The following PLEKHA1 variants were observed in gnomAD, a reference collection of about 807,000 sequenced individuals.
The protein encoded by PLEKHA1 is pleckstrin homology domain containing A1.
A neutral mutation model predicts 52.0 loss-of-function variants in PLEKHA1; 34 were observed. The observed-to-expected ratio is 0.65, with a 90% CI of 0.50 to 0.87. The LOEUF (loss-of-function observed/expected upper bound fraction) is 0.87, where lower values mean the gene tolerates loss of function less well. Ranked by LOEUF, PLEKHA1 falls within the 40% of genes least tolerant of loss-of-function variation. PLEKHA1 has a pLI of 0.00. For synonymous variants in PLEKHA1, 163 were observed against 170.7 expected, an observed-to-expected ratio of 0.95 and a Z score of 0.35; for missense variants, 497 against 504.2, an observed-to-expected ratio of 0.99 and a Z score of 0.14.
At chr10:122,421,170 T>A (rs1007780067) in intron 8 of PLEKHA1, 1 of 151,932 alleles carries the variant, frequency 6.6e-6, no homozygotes, top group East Asian at 1.9e-4. Context: ...ATGATTAAAG[T>A]GAATGTCATT....
chr10:122,430,199 G>A lies in PLEKHA1; in HGVS notation c.*261G>A, dbSNP rs2097404760. ...AAGCATTGTGTGTTCTCATTCGGGT[G>A]GTAACAATGTATGTGTAATATTTTT... On this transcript the variant is annotated 3_prime_UTR_variant, in exon 12 of 12. Transcript: ENST00000368990. 2.9e-6 allele frequency: 1 copy of A among 340,034 alleles called. No individual in the cohort carries two copies. Among genetic ancestry groups the A allele is most frequent in the Non-Finnish European group, 5.3e-6 (1 of 189,976 alleles). The allele number at this position is 340,034 out of a possible 1,614,324, so 21.1% of individuals were successfully genotyped here.
At chr10:122,427,211 T>C (rs192666636) in intron 11 of PLEKHA1, among the ~76,000 whole-genome samples, 180 bp downstream of exon 11, 268 of 152,386 alleles carry the variant, frequency 1.8e-3, no homozygotes, top group Non-Finnish European at 2.7e-3. Flanking sequence ...TGTAGTATTA[T>C]GTATACATAA....
At chr10:122,380,750 C>T (rs748595933) in intron 1 of PLEKHA1, among the ~76,000 whole-genome samples, 5 of 152,128 alleles carry the variant, frequency 3.3e-5, no homozygotes, top group Non-Finnish European at 7.4e-5. Flanking sequence ...GCCTGGATCC[C>T]ATCCCAGAAT....
chr10:122,415,234 C>G (rs183661952), intron 6 of PLEKHA1, among the ~76,000 whole-genome samples: 1 of 152,314 alleles, frequency 6.6e-6, no homozygotes, highest in East Asian at 1.9e-4. Flanking sequence ...CTTCCATTTA[C>G]ATTACATTTT....
chr10:122,439,246 T>C, the PLEKHA1 span: 2 of 152,250 alleles, frequency 1.3e-5, no homozygotes, highest in Non-Finnish European at 2.9e-5. Context: ...GATATGTTAT[T>C]TTAAAAATCT....
At chr10:122,433,311 T>A (rs1021546684), downstream of PLEKHA1, 2 of 152,164 alleles carry the variant, frequency 1.3e-5, no homozygotes, top group African/African-American at 4.8e-5. Context: ...CAATGCTAAC[T>A]GAGATAAATT....
chr10:122,406,254 G>A (rs1008929532), intron 4 of PLEKHA1, among the ~76,000 whole-genome samples: 1 of 152,198 alleles, frequency 6.6e-6, no homozygotes, highest in African/African-American at 2.4e-5. Flanking sequence ...TGCTAGCCAA[G>A]TGTGGAGAAA....
At chr10:122,376,524 ATATATATAT>A (rs1565091355) in intron 1 of PLEKHA1, among the ~76,000 whole-genome samples, 34 of 140,246 alleles carry the variant, frequency 2.4e-4, no homozygotes, top group African/African-American at 7.2e-4. Context: ...ATATATATAT[ATATATATAT>A]AATATAAATA....
the PLEKHA1 span, chr10:122,438,352 A>G: frequency 2.6e-5 from 4 of 152,262 alleles, no homozygotes; most frequent in East Asian, 5.8e-4. Context: ...AGAAGAGTAC[A>G]GAATTGTTGG....
In PLEKHA1 at chr10:122,417,918, A is replaced by C. The variant is rs574728529; in HGVS notation, c.631A>C (p.Arg211=). The C allele has an allele frequency of 1.4e-5, 23 of 1,611,548 alleles. No individual in the cohort carries two copies. In the South Asian group the frequency reaches 2.2e-4, roughly 15 times the overall value. ...CTGGTAGATGAAAAACTGGAAGAGA[A>C]GATATTTTCAATTGGATGAAAACAC... The part of the protein sequence containing the change: ...QGAVMKNWKR[R]YFQLDENTIG... Residue 211 remains arginine, a synonymous_variant, in exon 8 of 12, where the codon AGA becomes CGA. Transcript: ENST00000368990.
Position 122,406,679 on chromosome 10 carries a change from T to C in PLEKHA1, c.342+6T>C. The C allele has an allele frequency of 3.2e-6, 5 of 1,582,060 alleles. No homozygotes were observed. Among genetic ancestry groups the C allele is most frequent in the Non-Finnish European group, 2.6e-6 (3 of 1,154,184 alleles). On this transcript the variant is annotated splice_donor_region_variant and intron_variant, in intron 5 of 11. Coordinates refer to ENST00000368990, the MANE Select transcript of PLEKHA1 (RefSeq NM_001001974.4). ...ACAAAGCTATAAAAATTACAGTAAG[T>C]ATATGTATTTTTTTGAAAAACGTTC... is the stretch of plus-strand genomic sequence containing the variant.
intron 1 of PLEKHA1, among the ~76,000 whole-genome samples, chr10:122,378,070 G>C (rs2096562501): frequency 6.6e-6 from 1 of 152,068 alleles, no homozygotes; most frequent in South Asian, 2.1e-4. Flanking sequence ...AGCCTTTTAT[G>C]GTTTAACCAT....
At chr10:122,397,820 T>C in intron 2 of PLEKHA1, 98 bp from the exon 3 acceptor site, 1 of 931,686 alleles carries the variant, frequency 1.1e-6, no homozygotes, top group Non-Finnish European at 1.6e-6. Flanking sequence ...TATTAAAAAA[T>C]TGAGTTTTTA....
chr10:122,403,544 A>C (rs999192692), intron 4 of PLEKHA1, among the ~76,000 whole-genome samples: 1 of 152,080 alleles, frequency 6.6e-6, no homozygotes, highest in Non-Finnish European at 1.5e-5. Flanking sequence ...GGATGCATGT[A>C]TTATTCACAA....
chr10:122,408,790 T>C (rs1040620735), intron 5 of PLEKHA1, among the ~76,000 whole-genome samples: 1 of 152,186 alleles, frequency 6.6e-6, no homozygotes, highest in African/African-American at 2.4e-5. Flanking sequence ...CAATTTGTTA[T>C]ATTTTCCTGT....
At chr10:122,408,194 T>G (rs916100510) in intron 5 of PLEKHA1, among the ~76,000 whole-genome samples, 4 of 152,218 alleles carry the variant, frequency 2.6e-5, no homozygotes, top group Admixed American at 2.0e-4. Context: ...TGTACTAAAT[T>G]CATGTTTTAC....
At chr10:122,397,122 A>C (rs2096861448) in intron 2 of PLEKHA1, among the ~76,000 whole-genome samples, 1 of 151,988 alleles carries the variant, frequency 6.6e-6, no homozygotes, top group South Asian at 2.1e-4. Flanking sequence ...CTCTCTTTCT[A>C]GTACAGAGCT....
At position 122,406,195 on chromosome 10, in the gene PLEKHA1, A is replaced by G. The variant is rs116011385; in HGVS notation, c.245-381A>G. On this transcript the variant is annotated intron_variant, in intron 4 of 11. Coordinates refer to ENST00000368990, the MANE Select transcript of PLEKHA1 (RefSeq NM_001001974.4). ...ATACCTATAAAAAGTTTAAATGTCA[A>G]TTGTCTTTGACCCAACAAATCTATG... is the stretch of plus-strand genomic sequence containing the variant. Among the ~76,000 whole-genome samples the G allele has an allele frequency of 1.8e-3, 267 of 152,300 alleles. 1 individual carries two copies. The highest frequency in any genetic ancestry group is 6.1e-3 in the African/African-American group (253 of 41,568).
intron 1 of PLEKHA1, among the ~76,000 whole-genome samples, chr10:122,375,151 C>G (rs1313098941): frequency 6.6e-6 from 1 of 151,668 alleles, no homozygotes; most frequent in Non-Finnish European, 1.5e-5. Flanking sequence ...GCGGGAGGCC[C>G]GCGGCGGTCG....
Sources: gnomAD v4.1 joint callset for allele counts (sites outside exome capture counted in the v4.1 genomes callset) on GRCh38, gnomAD v4.1.1 for gene constraint, MANE v1.5 for transcripts, NCBI Gene and HGNC (gene_info 2026-07-23, HGNC 2026-07-21) for gene names.